The following DENND4A variants were observed in gnomAD, a reference collection of about 807,000 sequenced individuals.
DENND4A encodes the protein C-myc promoter-binding protein.
Under a neutral mutation model 199.3 loss-of-function variants are expected in DENND4A, and 70 were observed. The ratio of observed to expected loss-of-function variants is 0.35; its 90% CI spans 0.29 to 0.43. The LOEUF (loss-of-function observed/expected upper bound fraction) is 0.43. DENND4A is among the 20% of genes least tolerant of loss of function. The pLI is 1.00. For missense variants in DENND4A, 1,723 were observed against 2,255.8 expected (o/e 0.76, Z 4.78); for synonymous variants, 686 against 766.9 (o/e 0.89, Z 1.74).
intron 9 of DENND4A, 117 bp downstream of exon 9, chr15:65,731,524 GT>G: frequency 1.2e-6 from 1 of 803,260 alleles, no homozygotes; most frequent in Non-Finnish European, 2.1e-6. Flanking sequence ...ATTTAGAGAA[GT>G]AGTAGTTAAA....
chr15:65,715,826 T>G (rs2075381437), intron 13 of DENND4A, among the ~76,000 whole-genome samples: 1 of 152,116 alleles, frequency 6.6e-6, no homozygotes, highest in Admixed American at 6.5e-5. Flanking sequence ...CTCTCAAATC[T>G]TCATCCAGAA....
intron 23 of DENND4A, among the ~76,000 whole-genome samples, chr15:65,682,390 C>A (rs1411167945): frequency 6.6e-6 from 1 of 152,194 alleles, no homozygotes; most frequent in Admixed American, 6.5e-5. Context: ...TTTCTTTAAA[C>A]CTCATGAGCC....
At chr15:65,734,011 T>C (rs560872456) in intron 7 of DENND4A, among the ~76,000 whole-genome samples, 39 of 152,330 alleles carry the variant, frequency 2.6e-4, no homozygotes, top group African/African-American at 8.2e-4. Flanking sequence ...CCCCATGTGA[T>C]AGTCTGAAAT....
At chr15:65,726,426 T>C (rs2075804918) in intron 11 of DENND4A, among the ~76,000 whole-genome samples, 1 of 152,216 alleles carries the variant, frequency 6.6e-6, no homozygotes, top group Non-Finnish European at 1.5e-5. Context: ...TGTTTAAAAG[T>C]ATTAAACAGT....
intron 3 of DENND4A, among the ~76,000 whole-genome samples, chr15:65,754,798 G>A (rs1046419647): frequency 6.6e-6 from 1 of 152,230 alleles, no homozygotes; most frequent in Non-Finnish European, 1.5e-5. Context: ...GAACCCTCAT[G>A]TACCGCAAGT....
intron 25 of DENND4A, among the ~76,000 whole-genome samples, chr15:65,671,373 C>T (rs1272950240): frequency 1.3e-5 from 2 of 152,068 alleles, no homozygotes; most frequent in Non-Finnish European, 2.9e-5. Flanking sequence ...ATTTCAGGTG[C>T]TATGTATTTA....
At chr15:65,773,189 T>C (rs1446071591) in intron 1 of DENND4A, among the ~76,000 whole-genome samples, 1 of 152,196 alleles carries the variant, frequency 6.6e-6, no homozygotes, top group Non-Finnish European at 1.5e-5. Context: ...TCTGGTTCTC[T>C]AGTCTTCTAG....
chr15:65,700,552 G>T lies in DENND4A; in HGVS notation c.2825C>A (p.Ser942Tyr). ...LIKVYATDDR[S>Y]STGGQSDLGY... Reference sequence around the variant, plus strand: ...CATAAGCATACACAAACCTGTACTAGATCTATCATCAGTAGCATATACTTT... The same window carrying T: ...CATAAGCATACACAAACCTGTACTATATCTATCATCAGTAGCATATACTTT... Residue 942 changes from serine to tyrosine, a missense_variant, in exon 20 of 33, where the codon TCT becomes TAT. Physicochemically the swap from Ser to Tyr is moderately radical, Grantham distance 144. Transcript: ENST00000443035. 2 of 1,523,524 alleles carry T rather than the reference G, an allele frequency of 1.3e-6. No individual in the cohort carries two copies. The highest frequency in any genetic ancestry group is 1.8e-6 in the Non-Finnish European group (2 of 1,133,126). 94.4% of individuals were successfully genotyped at this position (1,523,524 alleles called of 1,614,324 possible). A position where few individuals can be genotyped will look rare whatever the true frequency, so the allele number is the denominator to read the frequency against.
chr15:65,678,077 G>GC (rs2076446941), intron 23 of DENND4A, among the ~76,000 whole-genome samples: 1 of 151,750 alleles, frequency 6.6e-6, no homozygotes, highest in African/African-American at 2.4e-5. Flanking sequence ...ACAGGCGCCC[G>GC]CCACCATGCC....
intron 22 of DENND4A, among the ~76,000 whole-genome samples, chr15:65,693,939 T>A (rs925860789): frequency 6.6e-6 from 1 of 152,082 alleles, no homozygotes; most frequent in African/African-American, 2.4e-5. Flanking sequence ...ACTGAATGAA[T>A]ACTGTCTATT....
intron 1 of DENND4A, among the ~76,000 whole-genome samples, chr15:65,768,982 A>C (rs1321705245): frequency 6.6e-6 from 1 of 151,918 alleles, no homozygotes; most frequent in Admixed American, 6.6e-5. Flanking sequence ...CGACAAGAGC[A>C]AAACTCTGTC....
intron 11 of DENND4A, 71 bp from the exon 12 acceptor site, chr15:65,723,019 T>C: frequency 1.7e-6 from 2 of 1,179,192 alleles, no homozygotes; most frequent in East Asian, 2.8e-5. Flanking sequence ...ATATCTGTTA[T>C]ATATAAAAAC....
At chr15:65,681,098 C>T (rs1364753667) in intron 23 of DENND4A, 1 of 152,192 alleles carries the variant, frequency 6.6e-6, no homozygotes, top group South Asian at 2.1e-4. Flanking sequence ...CTTTGCTCAT[C>T]CATTAGAAGC....
intron 14 of DENND4A, among the ~76,000 whole-genome samples, chr15:65,712,590 T>G (rs752282978): frequency 1.3e-5 from 2 of 152,320 alleles, no homozygotes; most frequent in South Asian, 2.1e-4. Context: ...TTCCTATTCA[T>G]AGTGAGAATC....
At chr15:65,714,431 A>C (rs1489258449) in intron 14 of DENND4A, among the ~76,000 whole-genome samples, 2 of 152,000 alleles carry the variant, frequency 1.3e-5, no homozygotes, top group East Asian at 3.9e-4. Flanking sequence ...AAACAAAAAA[A>C]AAACCCAAAA....
Position 65,676,456 on chromosome 15 carries a change from G to A in DENND4A, c.4358C>T (p.Ala1453Val). 6.2e-7 allele frequency: 1 copy of A among 1,605,800 alleles called. No individual in the cohort carries two copies. Among genetic ancestry groups the A allele is most frequent in the Non-Finnish European group, 8.5e-7 (1 of 1,175,700 alleles). Residue 1453 changes from alanine to valine, a missense_variant, in exon 24 of 33, where the codon GCA becomes GTA. This residue lies in a region of DENND4A where 650 missense variants were observed against 738.1 expected (regional missense o/e 0.88). Coordinates refer to ENST00000443035, the MANE Select transcript of DENND4A (RefSeq NM_001320835.1). ...DLSRISLESS[A>V]SLEGSLSKFA... ...CTGTTTGGACAAACCTTCCAAGGAT[G>A]CAGAACTTTCCAGGCTTATTCGGCT...
chr15:65,760,985 C>T (rs2076838282), intron 2 of DENND4A, among the ~76,000 whole-genome samples: 1 of 152,138 alleles, frequency 6.6e-6, no homozygotes, highest in Admixed American at 6.5e-5. Context: ...TTGGAAATAA[C>T]TAGCTATTAT....
intron 22 of DENND4A, among the ~76,000 whole-genome samples, chr15:65,693,770 GTATT>G (rs1299946189): frequency 1.3e-5 from 2 of 151,762 alleles, no homozygotes; most frequent in Non-Finnish European, 2.9e-5. Flanking sequence ...CTTTTTCATA[GTATT>G]TAATCTAAGA....
chr15:65,745,047 A>G (rs1349278027), intron 4 of DENND4A, among the ~76,000 whole-genome samples: 1 of 152,198 alleles, frequency 6.6e-6, no homozygotes, highest in Non-Finnish European at 1.5e-5. Flanking sequence ...CACTCACTTA[A>G]TCAAGTTCTC....
Sources: allele counts gnomAD v4.1 joint callset (sites outside exome capture counted in the v4.1 genomes callset), GRCh38; gene constraint gnomAD v4.1.1; regional missense constraint gnomAD v4.1.1; transcripts MANE v1.5; gene names NCBI Gene and HGNC (gene_info 2026-07-23, HGNC 2026-07-21).